The following DSE variants were observed in gnomAD, a reference collection of about 807,000 sequenced individuals.
DSE encodes the protein dermatan sulfate epimerase, also known as dermatan-sulfate epimerase.
Under a neutral mutation model 84.4 loss-of-function variants are expected in DSE, and 36 were observed. The ratio of observed to expected loss-of-function variants is 0.43; its 90% CI spans 0.33 to 0.56. The LOEUF is 0.56. DSE is among the 20% of genes least tolerant of loss of function. The pLI, the probability that DSE is intolerant of heterozygous loss-of-function variation, is 0.06. For missense variants in DSE, 862 were observed against 1,169.6 expected, an observed-to-expected ratio of 0.74 and a Z score of 3.84; for synonymous variants, 410 against 430.1, an observed-to-expected ratio of 0.95 and a Z score of 0.58.
intron 2 of DSE, among the ~76,000 whole-genome samples, chr6:116,318,380 C>G (rs1462067683): frequency 6.6e-6 from 1 of 152,152 alleles, no homozygotes; most frequent in Non-Finnish European, 1.5e-5. Context: ...GTGGTGGGTG[C>G]CTGTAGTCCC....
At chr6:116,306,252 T>C (rs1232950697) in intron 2 of DSE, among the ~76,000 whole-genome samples, 1 of 152,238 alleles carries the variant, frequency 6.6e-6, no homozygotes, top group Non-Finnish European at 1.5e-5. Context: ...ATAGAAACTT[T>C]TAAAAACTCA....
rs1186162117 is a variant in DSE, at chr6:116,437,388, G to A, written c.*43G>A. 2.1e-6 allele frequency: 3 copies of A among 1,446,776 alleles called. No individual in the cohort carries two copies. Among genetic ancestry groups the A allele is most frequent in the Non-Finnish European group, 2.7e-6 (3 of 1,097,444 alleles). 89.6% of individuals were successfully genotyped at this position (1,446,776 alleles called of 1,614,324 possible). A position where few individuals can be genotyped will look rare whatever the true frequency, so the allele number is the denominator to read the frequency against. On this transcript the variant is annotated 3_prime_UTR_variant, in exon 6 of 6. Transcript: ENST00000644252. ...ACCTGGTCATTTTGTGATCACAAGA[G>A]TCTATGCAAAAAAAAAAATTTCTTT...
intron 2 of DSE, among the ~76,000 whole-genome samples, chr6:116,335,534 T>TA (rs752598455): frequency 6.6e-6 from 1 of 152,226 alleles, no homozygotes; most frequent in African/African-American, 2.4e-5. Context: ...AGTTAAATTT[T>TA]AAAAAAAGAT....
At chr6:116,346,204 G>A (rs1716310082) in intron 2 of DSE, among the ~76,000 whole-genome samples, 1 of 152,176 alleles carries the variant, frequency 6.6e-6, no homozygotes, top group Non-Finnish European at 1.5e-5. Context: ...GGAGGAGCTG[G>A]TACCATTCCT....
intron 2 of DSE, among the ~76,000 whole-genome samples, chr6:116,294,838 A>T (rs1774556201): frequency 6.6e-6 from 1 of 152,158 alleles, no homozygotes. Context: ...CCCCATCTTT[A>T]TTACCAATTA....
chr6:116,369,944 T>C (rs1466240164), upstream of DSE: 1 of 1,289,122 alleles, frequency 7.8e-7, no homozygotes, highest in African/African-American at 1.5e-5. Context: ...ATCCTACAAA[T>C]CTTTCACTTC....
In DSE at chr6:116,435,868, T is replaced by C; in HGVS notation, c.1400T>C (p.Phe467Ser). The C allele has an allele frequency of 6.2e-7, 1 of 1,614,200 alleles. No homozygotes were observed. The highest frequency in any genetic ancestry group is 8.5e-7 in the Non-Finnish European group (1 of 1,180,030). ...ACTTTTGCTCCCAATGGTGTGCCTT[T>C]CATTACTGAGGCTCTGTACGGGCCA... ...SFTFAPNGVP[F>S]ITEALYGPKY... The change falls in exon 6 of 6, where the codon TTC (phenylalanine) becomes TCC (serine). Residue 467 changes from phenylalanine (F) to serine (S), a missense_variant. Phe to Ser is a radical substitution (Grantham distance 155). This residue lies in a region of DSE where 186 missense variants were observed against 255.1 expected (regional missense o/e 0.73). Coordinates refer to ENST00000644252, the MANE Select transcript of DSE (RefSeq NM_013352.4).
At position 116,391,270 on chromosome 6, in the gene DSE, T is replaced by G. The variant is rs750376851; in HGVS notation, c.-53-7928T>G. 6.6e-4 allele frequency among the ~76,000 whole-genome samples: 100 copies of G among 151,580 alleles called. 1 individual carries two copies. The highest frequency in any genetic ancestry group is 3.4e-3 in the Middle Eastern group (1 of 294). On this transcript the variant is annotated intron_variant, in intron 1 of 5. Coordinates refer to ENST00000644252, the MANE Select transcript of DSE (RefSeq NM_013352.4). ...CAGTTAATAAAAGCCTGACCTAAAG[T>G]TTTTTTTTAATGTTGTATTTTAAGG...
At chr6:116,285,168 G>C (rs771743442) in intron 2 of DSE, among the ~76,000 whole-genome samples, 32 of 152,102 alleles carry the variant, frequency 2.1e-4, no homozygotes, top group African/African-American at 5.8e-4. Flanking sequence ...TCTCCACATC[G>C]TCTCCAGCAC....
chr6:116,279,558 A>G lies in DSE; in HGVS notation c.-54+20591A>G, dbSNP rs370922409. 6 of 1,603,190 alleles carry G rather than the reference A, an allele frequency of 3.7e-6. No homozygotes were observed. The African/African-American group carries it at 6.7e-5, about 18-fold the overall frequency. On this transcript the variant is annotated intron_variant, in intron 2 of 3. Coordinates refer to the DSE transcript ENST00000430252. The stretch of plus-strand genomic sequence containing the variant: ...CTTCCTGCCCGGCTTTGATCGCCAC[A>G]TGACCGCGACCCCCAACAACTCGGA...
chr6:116,288,131 T>A (rs1684403908), intron 2 of DSE: 1 of 152,050 alleles, frequency 6.6e-6, no homozygotes, highest in Non-Finnish European at 1.5e-5. Context: ...TGAATCTGAT[T>A]TCAAGTTACA....
At chr6:116,395,196 C>T (rs371709433) in intron 1 of DSE, among the ~76,000 whole-genome samples, 5 of 151,416 alleles carry the variant, frequency 3.3e-5, no homozygotes, top group Non-Finnish European at 5.9e-5. Context: ...GAGGCCGAGG[C>T]GGGTGGATCA....
Position 116,437,353 on chromosome 6 carries a change from G to C in DSE, c.*8G>C. Reference sequence around the variant, plus strand: ...TCCCAATCACAGTGTTAGCACTGAAGCTATAAATTACCTGGTCATTTTGTG... The same window carrying C: ...TCCCAATCACAGTGTTAGCACTGAACCTATAAATTACCTGGTCATTTTGTG... On this transcript the variant is annotated 3_prime_UTR_variant, in exon 6 of 6. Transcript: ENST00000644252. 6.4e-7 allele frequency: 1 copy of C among 1,564,732 alleles called. No individual in the cohort carries two copies. Among genetic ancestry groups the C allele is most frequent in the Non-Finnish European group, 8.6e-7 (1 of 1,158,034 alleles).
At chr6:116,259,200 T>A (rs1055861730) in intron 2 of DSE, 3 of 650,280 alleles carry the variant, frequency 4.6e-6, no homozygotes, top group Non-Finnish European at 8.1e-6. Flanking sequence ...AACTTACTTG[T>A]AATTTAAAGG....
chr6:116,296,769 C>T lies in DSE; in HGVS notation c.-54+37802C>T, dbSNP rs184816208. Reference sequence around the variant, plus strand: ...GTCAGATCATGTGAGGCTTTAAAGGCTATAAGGAAGCTGGATTTTATTCTA... The same window carrying T: ...GTCAGATCATGTGAGGCTTTAAAGGTTATAAGGAAGCTGGATTTTATTCTA... On this transcript the variant is annotated intron_variant, in intron 2 of 3. Coordinates refer to the DSE transcript ENST00000430252. Among the ~76,000 whole-genome samples the T allele has an allele frequency of 4.9e-4, 75 of 152,196 alleles. 1 individual carries two copies. Among genetic ancestry groups the T allele is most frequent in the Middle Eastern group, 6.8e-3 (2 of 294 alleles).
intron 2 of DSE, among the ~76,000 whole-genome samples, chr6:116,299,551 T>TATATATATATATACACAC (rs1554209343): frequency 1.9e-5 from 1 of 53,676 alleles, no homozygotes; most frequent in Non-Finnish European, 2.9e-5. Context: ...TATATATATA[T>TATATATATATATACACAC]ACACATACAC....
At chr6:116,389,125 T>A in intron 1 of DSE, among the ~76,000 whole-genome samples, 1 of 152,198 alleles carries the variant, frequency 6.6e-6, no homozygotes, top group Non-Finnish European at 1.5e-5. Flanking sequence ...ATTGAGAAGA[T>A]GATGATGGCT....
At chr6:116,428,816 A>G (rs2115071133) in intron 3 of DSE, among the ~76,000 whole-genome samples, 1 of 152,356 alleles carries the variant, frequency 6.6e-6, no homozygotes, top group African/African-American at 2.4e-5. Context: ...TCTTCATGTA[A>G]CTTTGAAGAT....
At chr6:116,387,573 A>G (rs1157426657) in intron 1 of DSE, among the ~76,000 whole-genome samples, 2 of 152,160 alleles carry the variant, frequency 1.3e-5, no homozygotes, top group Non-Finnish European at 2.9e-5. Context: ...GCTTGCAGGG[A>G]GAAAGGAAGT....
Sources: gnomAD v4.1 joint callset for allele counts (sites outside exome capture counted in the v4.1 genomes callset) on GRCh38, gnomAD v4.1.1 for gene constraint, gnomAD v4.1.1 regional missense constraint, MANE v1.5 for transcripts, NCBI Gene and HGNC (gene_info 2026-07-23, HGNC 2026-07-21) for gene names.